The following TNRC6C variants were observed in gnomAD, a reference collection of about 807,000 sequenced individuals.
TNRC6C encodes the protein trinucleotide repeat-containing gene 6C protein.
TNRC6C carries 20 observed loss-of-function variants against 153.7 expected under a neutral mutation model. The ratio of observed to expected loss-of-function variants is 0.13; its 90% confidence interval spans 0.09 to 0.19. The LOEUF (loss-of-function observed/expected upper bound fraction) is 0.19. TNRC6C is among the 10% of genes least tolerant of loss of function. The probability of loss-of-function intolerance (pLI) is 1.00; values close to 1 mark genes in which losing one functional copy is unlikely to be tolerated. For synonymous variants in TNRC6C, 811 were observed against 841.4 expected (o/e 0.96, Z 0.63); for missense variants, 1,987 against 2,172.0 (o/e 0.91, Z 1.69).
chr17:77,990,067 A>C (rs1210299347), intron 1 of TNRC6C, among the ~76,000 whole-genome samples: 1 of 152,080 alleles, frequency 6.6e-6, no homozygotes, highest in African/African-American at 2.4e-5. Context: ...ACCACCATAC[A>C]CTTAGTCACA....
At chr17:78,062,819 T>C (rs2072794994) in intron 3 of TNRC6C, among the ~76,000 whole-genome samples, 1 of 152,184 alleles carries the variant, frequency 6.6e-6, no homozygotes, top group South Asian at 2.1e-4. Context: ...TTACCAAAAG[T>C]ATAACTTAGG....
chr17:77,958,612 C>G (rs2070831406), upstream of TNRC6C, among the ~76,000 whole-genome samples: 1 of 151,554 alleles, frequency 6.6e-6, no homozygotes, highest in African/African-American at 2.4e-5. Flanking sequence ...TGCTAGGGGC[C>G]GGGACGACTT....
chr17:78,054,667 C>T (rs66806510), intron 3 of TNRC6C, among the ~76,000 whole-genome samples: 8,709 of 151,524 alleles, frequency 0.057, 280 homozygotes, highest in Middle Eastern at 0.092. Flanking sequence ...GACTACTGTA[C>T]GCTACTGGAG....
At chr17:78,102,730 G>C in intron 18 of TNRC6C, 186 bp downstream of exon 21, 1 of 563,008 alleles carries the variant, frequency 1.8e-6, no homozygotes, top group Non-Finnish European at 3.1e-6. Context: ...CAGCAGATGG[G>C]GCCCAGGGGC....
rs956637348 is a variant in TNRC6C, at chr17:78,077,167, C to G, written c.3061-18C>G. The G allele has an allele frequency of 6.3e-7, 1 of 1,595,262 alleles. No homozygotes were observed. On this transcript the variant is annotated intron_variant, in intron 8 of 19. Transcript: ENST00000301624. ...TGATGGACACTGCACACAGCTCACC[C>G]TTTCTTTCTCCAATCAGGATGGCGG...
At chr17:77,965,064 G>A (rs1276020755) in intron 1 of TNRC6C, among the ~76,000 whole-genome samples, 1 of 152,178 alleles carries the variant, frequency 6.6e-6, no homozygotes, top group Admixed American at 6.5e-5. Context: ...TTTACAATGT[G>A]ATTATGTGCC....
intron 2 of TNRC6C, among the ~76,000 whole-genome samples, chr17:78,047,646 TTAAAA>T (rs1479720230): frequency 6.6e-6 from 1 of 152,182 alleles, no homozygotes; most frequent in East Asian, 1.9e-4. Flanking sequence ...ATTTTTCTTG[TTAAAA>T]TAAATTTGAA....
At chr17:78,034,879 C>T (rs1016870095) in intron 2 of TNRC6C, among the ~76,000 whole-genome samples, 13 of 152,158 alleles carry the variant, frequency 8.5e-5, no homozygotes, top group African/African-American at 3.1e-4. Context: ...TGAGGTGGGA[C>T]AATCGCTTGA....
intron 4 of TNRC6C, among the ~76,000 whole-genome samples, chr17:78,067,253 G>A (rs904314647): frequency 1.3e-5 from 2 of 152,194 alleles, no homozygotes; most frequent in Non-Finnish European, 2.9e-5. Flanking sequence ...GGCTGAGGCA[G>A]GAGGATCACT....
intron 9 of TNRC6C, chr17:78,077,546 C>G: frequency 1.5e-6 from 1 of 656,616 alleles, no homozygotes; most frequent in Non-Finnish European, 2.5e-6. Flanking sequence ...TTTATTCTTA[C>G]ACTTAACTAA....
At position 78,104,590 on chromosome 17, in the gene TNRC6C, G is replaced by T; in HGVS notation, c.4818G>T (p.Gln1606His). The change falls in exon 20 of 20, where the codon CAG becomes CAT. Residue 1606 changes from glutamine to histidine, a missense_variant. This residue lies in a region of TNRC6C where 139 missense variants were observed against 148.5 expected (regional missense o/e 0.94). Transcript: ENST00000301624. The surrounding 1 kb of genome is among the most constrained non-coding windows in gnomAD (Gnocchi z 6.2). ...CGCTGCCACCCACTTCCAGCTGGCA[G>T]TCCAGCAGCGCGTCCAGCCAGCCGC... 1 of 1,554,756 alleles carries T rather than the reference G, an allele frequency of 6.4e-7. No individual in the cohort carries two copies.
exon 11 of TNRC6C, chr17:78,083,121 T>A (rs1283751198): frequency 6.2e-7 from 1 of 1,614,014 alleles, no homozygotes; most frequent in Admixed American, 1.7e-5. Context: ...CGCCAATTAA[T>A]CCTCAACATA....
chr17:77,999,823 T>G (rs1315439278), upstream of TNRC6C, among the ~76,000 whole-genome samples: 1 of 152,228 alleles, frequency 6.6e-6, no homozygotes, highest in African/African-American at 2.4e-5. Context: ...GACAGCTTGT[T>G]TCTTCAAAGC....
intron 1 of TNRC6C, among the ~76,000 whole-genome samples, chr17:77,960,922 T>A (rs2144020486): frequency 6.6e-6 from 1 of 152,344 alleles, no homozygotes; most frequent in East Asian, 1.9e-4. Context: ...AGAAAGTTTT[T>A]AATATTTATT....
intron 1 of TNRC6C, among the ~76,000 whole-genome samples, chr17:77,983,924 G>A (rs2071118072): frequency 6.6e-6 from 1 of 152,160 alleles, no homozygotes; most frequent in African/African-American, 2.4e-5. Context: ...TCATTTTGGG[G>A]AGAAGGTGAG....
chr17:78,036,337 G>A (rs975019532), intron 2 of TNRC6C, among the ~76,000 whole-genome samples: 17 of 152,170 alleles, frequency 1.1e-4, no homozygotes, highest in African/African-American at 3.4e-4. Context: ...AAAGCTGCAC[G>A]GTGGAGATTT....
At chr17:78,015,892 A>G (rs978185493) in intron 1 of TNRC6C, among the ~76,000 whole-genome samples, 3 of 152,254 alleles carry the variant, frequency 2.0e-5, no homozygotes, top group African/African-American at 7.2e-5. Context: ...AGCCTGGGCA[A>G]CAGAGCAAGA....
intron 13 of TNRC6C, among the ~76,000 whole-genome samples, chr17:78,088,959 CTTTTTTTTTTTTT>C (rs59304499): frequency 1.2e-5 from 1 of 86,698 alleles, no homozygotes; most frequent in Non-Finnish European, 2.4e-5. Context: ...CTTATCGTTA[CTTTTTTTTTTTTT>C]TTTTTTTTTT....
rs1161265329 is a variant in TNRC6C, at chr17:78,083,366, C to CTTTGTT, written c.3477+214_3477+219dup. Among the ~76,000 whole-genome samples the CTTTGTT allele has an allele frequency of 3.3e-5, 5 of 152,200 alleles. No individual in the cohort carries two copies. The East Asian group carries it at 5.8e-4, about 18-fold the overall frequency. On this transcript the variant is annotated intron_variant, in intron 11 of 19. Coordinates refer to ENST00000301624, the Ensembl canonical transcript of TNRC6C. ...CTAGGTTTTGTAAATGTTTTGGCCTCTTTGTTTTTGTTTTTGTTTAGAGGC... is the reference window on the plus strand; with the variant it reads ...CTAGGTTTTGTAAATGTTTTGGCCTCTTTGTTTTTGTTTTTGTTTTTGTTTAGAGGC...
Sources: allele counts gnomAD v4.1 joint callset (sites outside exome capture counted in the v4.1 genomes callset), GRCh38; gene constraint gnomAD v4.1.1; regional missense constraint gnomAD v4.1.1; non-coding constraint Gnocchi (gnomAD v3.1); transcripts MANE v1.5; gene names NCBI Gene and HGNC (gene_info 2026-07-23, HGNC 2026-07-21).